The following KCNIP4 variants were observed in gnomAD, a reference collection of about 807,000 sequenced individuals.
KCNIP4 encodes potassium voltage-gated channel interacting protein 4, also known as Kv channel-interacting protein 4.
Under a neutral mutation model 34.0 loss-of-function variants are expected in KCNIP4, and 12 were observed. The ratio of observed to expected loss-of-function variants is 0.35; its 90% CI spans 0.23 to 0.57. The LOEUF is 0.57. Ranked by LOEUF, KCNIP4 falls within the 20% of genes least tolerant of loss-of-function variation. KCNIP4 has a pLI of 0.83. For synonymous variants in KCNIP4, 124 were observed against 102.2 expected (o/e 1.21, Z -1.29); for missense variants, 238 against 311.7 (o/e 0.76, Z 1.78).
chr4:21,609,262 T>C (rs970693656), intron 1 of KCNIP4, among the ~76,000 whole-genome samples: 5 of 152,198 alleles, frequency 3.3e-5, no homozygotes, highest in Admixed American at 3.3e-4. Context: ...TTTGTGTATC[T>C]ATTGTATGTA....
rs528961728 is a variant in KCNIP4, at chr4:20,769,445, CAG to C, written c.289-10557_289-10556del. Among the ~76,000 whole-genome samples the C allele has an allele frequency of 1.6e-4, 24 of 152,174 alleles. No individual in the cohort carries two copies. In the East Asian group the frequency reaches 4.7e-3, roughly 30 times the overall value. On this transcript the variant is annotated intron_variant, in intron 3 of 8. Coordinates refer to ENST00000382152, the MANE Select transcript of KCNIP4 (RefSeq NM_025221.6). ...GATTTTCCCAACTTTATCCAGAAGA[CAG>C]TGTCCATTTTGTCAGGGTCTTTTAA...
chr4:21,648,645 A>C (rs1279232701), intron 1 of KCNIP4, among the ~76,000 whole-genome samples: 1 of 152,212 alleles, frequency 6.6e-6, no homozygotes, highest in Non-Finnish European at 1.5e-5. Flanking sequence ...ATTCAATAGA[A>C]AGTATAAATT....
intron 1 of KCNIP4, among the ~76,000 whole-genome samples, chr4:21,404,363 T>C (rs1723796025): frequency 6.6e-6 from 1 of 152,226 alleles, no homozygotes; most frequent in Non-Finnish European, 1.5e-5. Flanking sequence ...CCCTCAAGTC[T>C]AGAACACTTC....
chr4:21,624,003 A>G (rs1396186063), intron 1 of KCNIP4, among the ~76,000 whole-genome samples: 2 of 152,200 alleles, frequency 1.3e-5, no homozygotes, highest in East Asian at 3.8e-4. Context: ...TACATGCACA[A>G]GAATCTGTGC....
chr4:21,517,241 G>T (rs1293469942), intron 1 of KCNIP4, among the ~76,000 whole-genome samples: 1 of 152,068 alleles, frequency 6.6e-6, no homozygotes, highest in Non-Finnish European at 1.5e-5. Context: ...AAACAACCAC[G>T]TCAGAGTGGG....
intron 1 of KCNIP4, among the ~76,000 whole-genome samples, chr4:20,899,227 T>C (rs935953265): frequency 4.6e-5 from 7 of 152,160 alleles, no homozygotes; most frequent in African/African-American, 1.7e-4. Context: ...TAATCCTAAA[T>C]CCTCTATCAG....
intron 3 of KCNIP4, among the ~76,000 whole-genome samples, chr4:20,766,610 A>G (rs527736559): frequency 7.9e-5 from 12 of 152,254 alleles, no homozygotes; most frequent in Middle Eastern, 3.4e-3. Flanking sequence ...TTTAGAGACA[A>G]TTCAATTCAA....
At chr4:21,609,406 T>A (rs942866661) in intron 1 of KCNIP4, among the ~76,000 whole-genome samples, 2 of 152,156 alleles carry the variant, frequency 1.3e-5, no homozygotes, top group Non-Finnish European at 2.9e-5. Flanking sequence ...TTAAATGAAT[T>A]CATTCATAGT....
At chr4:21,398,212 C>T (rs896238738) in intron 1 of KCNIP4, among the ~76,000 whole-genome samples, 7 of 152,246 alleles carry the variant, frequency 4.6e-5, no homozygotes, top group African/African-American at 7.2e-5. Context: ...GAAGGTTCTG[C>T]GGTAAGTGCA....
chr4:21,469,140 C>T (rs761851709), intron 1 of KCNIP4, among the ~76,000 whole-genome samples: 7 of 152,092 alleles, frequency 4.6e-5, no homozygotes, highest in Non-Finnish European at 1.0e-4. Context: ...TCGTGTCTCA[C>T]TATAGCCTTA....
intron 1 of KCNIP4, among the ~76,000 whole-genome samples, chr4:21,582,950 A>C (rs975459192): frequency 6.6e-6 from 1 of 151,912 alleles, no homozygotes; most frequent in Non-Finnish European, 1.5e-5. Context: ...TTTAGTTTCA[A>C]AGATTCTCAT....
At chr4:21,884,007 T>A (rs1726613480) in intron 1 of KCNIP4, among the ~76,000 whole-genome samples, 1 of 152,064 alleles carries the variant, frequency 6.6e-6, no homozygotes, top group Non-Finnish European at 1.5e-5. Flanking sequence ...TAGCAGGAAC[T>A]CAAACGTAAG....
chr4:21,003,834 T>C (rs553377083), intron 1 of KCNIP4, among the ~76,000 whole-genome samples: 1 of 152,302 alleles, frequency 6.6e-6, no homozygotes, highest in East Asian at 1.9e-4. Flanking sequence ...AAAGTTAAGA[T>C]GCTAATTCTG....
At chr4:20,734,946 GTT>G (rs1445200919) in intron 5 of KCNIP4, among the ~76,000 whole-genome samples, 1 of 152,090 alleles carries the variant, frequency 6.6e-6, no homozygotes, top group East Asian at 1.9e-4. Context: ...TGGAAACTGA[GTT>G]AAATCAATGG....
At chr4:21,107,878 T>C (rs1748730581) in intron 1 of KCNIP4, among the ~76,000 whole-genome samples, 1 of 151,346 alleles carries the variant, frequency 6.6e-6, no homozygotes, top group Non-Finnish European at 1.5e-5. Flanking sequence ...TGGCTGGATA[T>C]GAAATTCTGG....
intron 1 of KCNIP4, among the ~76,000 whole-genome samples, chr4:21,189,845 TA>T (rs1188578178): frequency 1.3e-5 from 2 of 152,248 alleles, no homozygotes; most frequent in Non-Finnish European, 2.9e-5. Context: ...CCTTTATTTC[TA>T]AAATTTGCAT....
chr4:20,925,277 C>T (rs1729789823), intron 1 of KCNIP4, among the ~76,000 whole-genome samples: 2 of 152,102 alleles, frequency 1.3e-5, no homozygotes, highest in South Asian at 4.1e-4. Flanking sequence ...AAAAATAAGG[C>T]TGAAACCTAC....
chr4:21,513,672 C>A (rs755102999), intron 1 of KCNIP4, among the ~76,000 whole-genome samples: 1 of 152,238 alleles, frequency 6.6e-6, no homozygotes, highest in Non-Finnish European at 1.5e-5. Flanking sequence ...TCAGCCTTCA[C>A]GTGGCATGTG....
intron 1 of KCNIP4, among the ~76,000 whole-genome samples, chr4:21,248,775 CAA>C (rs1760474679): frequency 6.6e-6 from 1 of 152,122 alleles, no homozygotes; most frequent in Admixed American, 6.6e-5. Flanking sequence ...CTCCTTTATT[CAA>C]ACATTACTCC....
Sources: gnomAD v4.1 joint callset for allele counts (sites outside exome capture counted in the v4.1 genomes callset) on GRCh38, gnomAD v4.1.1 for gene constraint, MANE v1.5 for transcripts, NCBI Gene and HGNC (gene_info 2026-07-23, HGNC 2026-07-21) for gene names.